The following CDH13 variants were observed in gnomAD, a reference collection of about 807,000 sequenced individuals.
The protein encoded by CDH13 is cadherin-13.
CDH13 carries 24 observed loss-of-function variants against 63.8 expected under a neutral mutation model. The ratio of observed to expected loss-of-function variants is 0.38; its 90% CI spans 0.27 to 0.53. The LOEUF (loss-of-function observed/expected upper bound fraction) is 0.53, where lower values mean the gene tolerates loss of function less well. Among genes scored for constraint, CDH13 ranks in the 20% least tolerant of loss-of-function variants. CDH13 has a pLI of 0.85. For synonymous variants in CDH13, 503 were observed against 355.3 expected (o/e 1.42, Z -4.67); for missense variants, 1,049 against 903.1 (o/e 1.16, Z -2.07).
intron 4 of CDH13, among the ~76,000 whole-genome samples, chr16:83,135,208 A>G (rs2036228417): frequency 6.6e-6 from 1 of 152,206 alleles, no homozygotes; most frequent in South Asian, 2.1e-4. Flanking sequence ...TTCTCAGATG[A>G]GAAAGTGGAA....
intron 2 of CDH13, among the ~76,000 whole-genome samples, chr16:82,965,844 T>C (rs1907725766): frequency 6.6e-6 from 1 of 152,192 alleles, no homozygotes; most frequent in East Asian, 1.9e-4. Flanking sequence ...AGCCCACTGG[T>C]TTACATTGTC....
chr16:83,766,173 G>T (rs1410818375), intron 11 of CDH13, among the ~76,000 whole-genome samples: 1 of 152,140 alleles, frequency 6.6e-6, no homozygotes, highest in East Asian at 1.9e-4. Flanking sequence ...CAGCTCTGCA[G>T]ACCTCTGCCC....
intron 5 of CDH13, among the ~76,000 whole-genome samples, chr16:83,342,152 C>G (rs1159396014): frequency 6.6e-6 from 1 of 152,058 alleles, no homozygotes; most frequent in Non-Finnish European, 1.5e-5. Flanking sequence ...GACTGGAGTA[C>G]TGAGTTTTTT....
intron 7 of CDH13, among the ~76,000 whole-genome samples, chr16:83,578,013 A>G (rs201343677): frequency 6.6e-6 from 1 of 152,208 alleles, no homozygotes; most frequent in East Asian, 1.9e-4. Context: ...TCTCAACAAT[A>G]TAATAGAAAC....
chr16:83,215,332 G>A (rs552474652), intron 4 of CDH13, among the ~76,000 whole-genome samples: 1 of 151,880 alleles, frequency 6.6e-6, no homozygotes, highest in Middle Eastern at 3.4e-3. Flanking sequence ...GCCCACCTTG[G>A]CCTCTCAAAG....
chr16:83,173,893 T>G (rs2038020993), intron 4 of CDH13, among the ~76,000 whole-genome samples: 1 of 152,078 alleles, frequency 6.6e-6, no homozygotes, highest in Admixed American at 6.6e-5. Flanking sequence ...TCCTGTCTCT[T>G]ATGACTTAGA....
chr16:83,042,900 G>A (rs1281174496), intron 3 of CDH13, among the ~76,000 whole-genome samples: 2 of 152,134 alleles, frequency 1.3e-5, no homozygotes, highest in Non-Finnish European at 2.9e-5. Flanking sequence ...TTAAAGATGT[G>A]GACACTTAAT....
At chr16:83,574,537 C>T (rs1279204145) in intron 7 of CDH13, among the ~76,000 whole-genome samples, 2 of 152,010 alleles carry the variant, frequency 1.3e-5, no homozygotes, top group Admixed American at 1.3e-4. Context: ...CAGACCCAGG[C>T]TCAAATCTTG....
intron 2 of CDH13, among the ~76,000 whole-genome samples, chr16:82,868,898 C>A (rs2040247703): frequency 6.6e-6 from 1 of 152,136 alleles, no homozygotes; most frequent in Non-Finnish European, 1.5e-5. Flanking sequence ...AACTAAGTAA[C>A]TTTGGCAAGT....
chr16:83,739,261 A>T lies in CDH13; in HGVS notation c.1539-8847A>T, dbSNP rs56286058. ...GGGTGTCTACGTGACCAGCCCCCCAAAAAAAACCCTGAATGTTGAGTCTTC... is the reference window on the plus strand; with the variant it reads ...GGGTGTCTACGTGACCAGCCCCCCATAAAAAACCCTGAATGTTGAGTCTTC... On this transcript the variant is annotated intron_variant, in intron 10 of 13. Transcript: ENST00000567109. Among the ~76,000 whole-genome samples the T allele has an allele frequency of 9.9e-5, 15 of 152,106 alleles. No individual in the cohort carries two copies. In the East Asian group the frequency reaches 2.3e-3, roughly 24 times the overall value.
chr16:82,909,646 T>C (rs1382880310), intron 2 of CDH13, among the ~76,000 whole-genome samples: 1 of 152,062 alleles, frequency 6.6e-6, no homozygotes, highest in African/African-American at 2.4e-5. Flanking sequence ...GCATGGGAAC[T>C]CCCATTTGTA....
rs56753707 is a variant in CDH13 at position 83,240,717 on chromosome 16, CTTTTTTTT to C, written c.636+23239_636+23246del. Reference sequence around the variant, plus strand: ...ATGACTTTAAATTTACTGTCTTAATCTTTTTTTTTTTTTTTTTTTTTTTTTTGAGAAAC... The same window carrying C: ...ATGACTTTAAATTTACTGTCTTAATCTTTTTTTTTTTTTTTTTTGAGAAAC... On this transcript the variant is annotated intron_variant, in intron 5 of 13. Coordinates refer to ENST00000567109, the MANE Select transcript of CDH13 (RefSeq NM_001257.5). Among the ~76,000 whole-genome samples the C allele has an allele frequency of 4.8e-4, 39 of 81,666 alleles. 3 individuals are homozygous for C. The highest frequency in any genetic ancestry group is 2.6e-3 in the South Asian group (5 of 1,898). The allele number at this position is 81,666 out of a possible 152,430, so 53.6% of individuals were successfully genotyped here.
rs554185954 is a variant in CDH13 at position 82,828,533 on chromosome 16, A to C, written c.46-29829A>C. 7.2e-5 allele frequency among the ~76,000 whole-genome samples: 11 copies of C among 152,252 alleles called. No individual in the cohort carries two copies. In the South Asian group the frequency reaches 1.7e-3, roughly 23 times the overall value. On this transcript the variant is annotated intron_variant, in intron 1 of 13. Transcript: ENST00000567109. ...TCCCAGCTACTCAGGTGGCTGAGGC[A>C]TGAGAATTGCTTGATCCCGGGAGGC...
chr16:83,732,237 G>T (rs1400724061), intron 10 of CDH13, among the ~76,000 whole-genome samples: 1 of 152,208 alleles, frequency 6.6e-6, no homozygotes, highest in Admixed American at 6.5e-5. Flanking sequence ...AGCTTAATGG[G>T]ATGGAGAGTA....
chr16:83,391,230 A>G (rs2091779909), intron 6 of CDH13, among the ~76,000 whole-genome samples: 1 of 149,550 alleles, frequency 6.7e-6, no homozygotes, highest in Non-Finnish European at 1.5e-5. Flanking sequence ...TTTTTGAGAC[A>G]GCGTCTTACC....
intron 2 of CDH13, among the ~76,000 whole-genome samples, chr16:82,956,443 A>G (rs1906119152): frequency 5.3e-5 from 8 of 151,798 alleles, no homozygotes; most frequent in Admixed American, 2.0e-4. Context: ...CTCCTCATGG[A>G]TCGTTATTAC....
intron 1 of CDH13, among the ~76,000 whole-genome samples, chr16:82,843,156 G>A (rs2039104193): frequency 6.6e-6 from 1 of 152,198 alleles, no homozygotes; most frequent in Non-Finnish European, 1.5e-5. Context: ...GAAGGTATCA[G>A]CATGTCAGTC....
At chr16:82,737,477 T>A (rs1176097577) in intron 1 of CDH13, among the ~76,000 whole-genome samples, 1 of 152,244 alleles carries the variant, frequency 6.6e-6, no homozygotes, top group Non-Finnish European at 1.5e-5. Flanking sequence ...AACGTGCTCC[T>A]TAGTGTGGAA....
chr16:83,018,568 T>C (rs1265850354), intron 2 of CDH13, among the ~76,000 whole-genome samples: 2 of 152,214 alleles, frequency 1.3e-5, no homozygotes, highest in Non-Finnish European at 2.9e-5. Context: ...AGGAACTAGA[T>C]CTTCCAAATG....
Sources: allele counts gnomAD v4.1 joint callset (sites outside exome capture counted in the v4.1 genomes callset), GRCh38; gene constraint gnomAD v4.1.1; transcripts MANE v1.5; gene names NCBI Gene and HGNC (gene_info 2026-07-23, HGNC 2026-07-21).